Variants in NSMCE2 observed in about 807,000 individuals in gnomAD.
The protein encoded by NSMCE2 is NSE2 SUMO ligase component of SMC5/6 complex, also known as E3 SUMO-protein ligase NSE2.
In NSMCE2, 24 loss-of-function variants were observed where a neutral mutation model predicts 23.8. The ratio of observed to expected loss-of-function variants is 1.01; its 90% CI spans 0.73 to 1.42. The LOEUF (loss-of-function observed/expected upper bound fraction) is 1.42, where lower values mean the gene tolerates loss of function less well. NSMCE2 is among the 40% of genes most tolerant of loss of function. The pLI is 0.00. For synonymous variants in NSMCE2, 92 were observed against 94.1 expected (o/e 0.98, Z 0.13); for missense variants, 284 against 296.5 (o/e 0.96, Z 0.31).
intron 3 of NSMCE2, among the ~76,000 whole-genome samples, chr8:125,113,542 C>G (rs1818863329): frequency 6.6e-6 from 1 of 152,066 alleles, no homozygotes; most frequent in Non-Finnish European, 1.5e-5. Context: ...ATGAGAAATA[C>G]ATTTCTGGGG....
At chr8:125,363,504 AAGAAAG>A (rs2058635865) in intron 7 of NSMCE2, among the ~76,000 whole-genome samples, 1 of 148,772 alleles carries the variant, frequency 6.7e-6, no homozygotes, top group African/African-American at 2.5e-5. Flanking sequence ...CTGTCAAAAA[AAGAAAG>A]AGGAAAGAGG....
chr8:125,147,934 T>C (rs1209585166), intron 3 of NSMCE2, among the ~76,000 whole-genome samples: 1 of 152,218 alleles, frequency 6.6e-6, no homozygotes, highest in African/African-American at 2.4e-5. Context: ...GTCTTTAAGA[T>C]GCTCTTGTGG....
At chr8:125,264,821 A>G (rs1358492854) in intron 5 of NSMCE2, among the ~76,000 whole-genome samples, 2 of 152,222 alleles carry the variant, frequency 1.3e-5, no homozygotes, top group Non-Finnish European at 2.9e-5. Context: ...TTATAAAATA[A>G]TAATACTGAA....
At chr8:125,248,865 G>T (rs1359944507) in intron 5 of NSMCE2, among the ~76,000 whole-genome samples, 1 of 152,076 alleles carries the variant, frequency 6.6e-6, no homozygotes, top group African/African-American at 2.4e-5. Context: ...GGGCACTCAG[G>T]TATAATAATT....
chr8:125,342,847 T>C (rs974385229), intron 5 of NSMCE2, among the ~76,000 whole-genome samples: 1 of 152,210 alleles, frequency 6.6e-6, no homozygotes, highest in Non-Finnish European at 1.5e-5. Context: ...GCCGTGGAGC[T>C]GAGCTACATT....
intron 4 of NSMCE2, among the ~76,000 whole-genome samples, chr8:125,171,140 C>T (rs917329285): frequency 1.3e-5 from 2 of 152,136 alleles, no homozygotes; most frequent in Non-Finnish European, 2.9e-5. Flanking sequence ...CTGCCTTGAC[C>T]GTCCATCACA....
chr8:125,318,164 T>C (rs2131258853), intron 5 of NSMCE2, among the ~76,000 whole-genome samples: 1 of 152,316 alleles, frequency 6.6e-6, no homozygotes, highest in Middle Eastern at 3.4e-3. Flanking sequence ...ATCCCAGCAC[T>C]TCAGGAGCCT....
intron 5 of NSMCE2, among the ~76,000 whole-genome samples, chr8:125,342,906 A>G (rs1830299069): frequency 6.6e-6 from 1 of 152,182 alleles, no homozygotes. Context: ...AGGCTTCACT[A>G]GATTTGCACC....
intron 3 of NSMCE2, among the ~76,000 whole-genome samples, chr8:125,120,593 G>A (rs77367792): frequency 0.013 from 1,959 of 152,290 alleles, 36 homozygotes; most frequent in African/African-American, 0.045. Context: ...GCAAGCCAGA[G>A]GTTAAGCCTG....
At chr8:125,154,073 A>T (rs1326706920) in intron 4 of NSMCE2, among the ~76,000 whole-genome samples, 1 of 152,200 alleles carries the variant, frequency 6.6e-6, no homozygotes. Flanking sequence ...GGGAAGCCAT[A>T]CAAGTCCCAT....
chr8:125,140,108 A>G (rs192501136), intron 3 of NSMCE2, among the ~76,000 whole-genome samples: 1 of 152,334 alleles, frequency 6.6e-6, no homozygotes, highest in African/African-American at 2.4e-5. Flanking sequence ...GAGATACCAC[A>G]TGATTGTACT....
intron 5 of NSMCE2, among the ~76,000 whole-genome samples, chr8:125,341,668 G>A (rs1450987933): frequency 6.6e-6 from 1 of 152,010 alleles, no homozygotes; most frequent in East Asian, 1.9e-4. Flanking sequence ...TAGCCTACAG[G>A]AAATTTGACA....
intron 5 of NSMCE2, among the ~76,000 whole-genome samples, chr8:125,240,047 G>A (rs958476580): frequency 3.3e-5 from 5 of 152,054 alleles, no homozygotes; most frequent in Non-Finnish European, 7.4e-5. Flanking sequence ...GGACTGAACT[G>A]AAAAGACAAC....
intron 3 of NSMCE2, among the ~76,000 whole-genome samples, chr8:125,142,886 GC>G (rs1820456703): frequency 6.6e-6 from 1 of 152,194 alleles, no homozygotes; most frequent in Non-Finnish European, 1.5e-5. Flanking sequence ...ACAGGCATGG[GC>G]CACCACACCC....
chr8:125,175,315 T>G (rs1822429442), intron 4 of NSMCE2, among the ~76,000 whole-genome samples: 1 of 152,200 alleles, frequency 6.6e-6, no homozygotes, highest in South Asian at 2.1e-4. Flanking sequence ...TAGGATCAGT[T>G]GAGGCAATTC....
chr8:125,220,521 CAG>C (rs1563727274), intron 5 of NSMCE2, among the ~76,000 whole-genome samples: 1 of 151,976 alleles, frequency 6.6e-6, no homozygotes, highest in African/African-American at 2.4e-5. Context: ...GTAACTCTGT[CAG>C]AGAATTTCAA....
intron 5 of NSMCE2, among the ~76,000 whole-genome samples, chr8:125,188,693 T>C (rs1302214987): frequency 6.6e-6 from 1 of 152,230 alleles, no homozygotes; most frequent in Admixed American, 6.5e-5. Flanking sequence ...TTTAATTTAC[T>C]GTTAATTTGT....
chr8:125,354,704 C>A (rs1813180938), intron 5 of NSMCE2, among the ~76,000 whole-genome samples: 1 of 152,130 alleles, frequency 6.6e-6, no homozygotes, highest in Admixed American at 6.5e-5. Context: ...TACAAATATA[C>A]CAGTCTACTC....
At chr8:125,199,092 A>G (rs1563714578) in intron 5 of NSMCE2, among the ~76,000 whole-genome samples, 1 of 151,774 alleles carries the variant, frequency 6.6e-6, no homozygotes, top group Middle Eastern at 3.2e-3. Context: ...CTTCTTTATT[A>G]GTCTTGCTAG....
Sources: gnomAD v4.1 joint callset for allele counts (sites outside exome capture counted in the v4.1 genomes callset) on GRCh38, gnomAD v4.1.1 for gene constraint, MANE v1.5 for transcripts, NCBI Gene and HGNC (gene_info 2026-07-23, HGNC 2026-07-21) for gene names.